Variants in REXO1 observed in about 807,000 individuals in gnomAD.
REXO1 encodes the protein REX1, RNA exonuclease 1 homolog.
In REXO1, 42 loss-of-function variants were observed where a neutral mutation model predicts 102.6. The ratio of observed to expected loss-of-function variants is 0.41; its 90% confidence interval spans 0.32 to 0.53. The LOEUF is 0.53. Among genes scored for constraint, REXO1 ranks in the 20% least tolerant of loss-of-function variants. REXO1 has a pLI of 0.27. For synonymous variants in REXO1, 908 were observed against 779.1 expected (o/e 1.17, Z -2.76); for missense variants, 1,819 against 1,732.5 (o/e 1.05, Z -0.89).
rs200145449 is a variant in REXO1 at position 1,823,712 on chromosome 19, C to T, written c.2090G>A (p.Arg697Gln). The change falls in exon 4 of 16, where the codon CGG becomes CAG. Residue 697 changes from arginine (R) to glutamine (Q), a missense_variant. Arg to Gln is a conservative substitution (Grantham distance 43). Coordinates refer to ENST00000170168, the MANE Select transcript of REXO1 (RefSeq NM_020695.4). ...PPTAQEVCYL[R>Q]AQQAQRASAS... is the part of the protein sequence containing the mutation. ...CGATGCCCTCTGCGCCTGCTGGGCC[C>T]GCAGGTAGCACACCTCCTGCGCCGT... 385 of 1,273,244 alleles carry T rather than the reference C, an allele frequency of 3.0e-4. No homozygotes were observed. Among genetic ancestry groups the T allele is most frequent in the Non-Finnish European group, 3.6e-4 (365 of 1,002,276 alleles). 78.9% of individuals were successfully genotyped at this position (1,273,244 alleles called of 1,614,324 possible).
In REXO1 at chr19:1,815,808, C is replaced by A. The variant is rs896799177; in HGVS notation, c.*258G>T. On this transcript the variant is annotated 3_prime_UTR_variant, in exon 16 of 16. Coordinates refer to ENST00000170168, the MANE Select transcript of REXO1 (RefSeq NM_020695.4). This position sits in a 1 kb window ranked among gnomAD's most constrained non-coding sequence, Gnocchi z 4.0. ...CGGGCCGGGTGGGGGCGGGCTCTGT[C>A]CTGGTCTCCATCAGCAGCAGTTTCT... is the stretch of plus-strand genomic sequence containing the variant. 6.7e-7 allele frequency: 1 copy of A among 1,494,032 alleles called. No homozygotes were observed. Among genetic ancestry groups the A allele is most frequent in the Admixed American group, 2.0e-5 (1 of 49,086 alleles). 92.5% of individuals were successfully genotyped at this position (1,494,032 alleles called of 1,614,324 possible).
At position 1,816,058 on chromosome 19, in the gene REXO1, G is replaced by C; in HGVS notation, c.*8C>G. ...CGGCAGGAGAGGCGGGTGGGAGGCG[G>C]GCAGGCGTCATCGCTTGGTCTTGGC... On this transcript the variant is annotated 3_prime_UTR_variant, in exon 16 of 16. Transcript: ENST00000170168. 6.5e-7 allele frequency: 1 copy of C among 1,540,762 alleles called. No homozygotes were observed. The highest frequency in any genetic ancestry group is 1.2e-5 in the South Asian group (1 of 84,086).
At chr19:1,825,237 T>C (rs559805642) in intron 3 of REXO1, among the ~76,000 whole-genome samples, 9 of 142,966 alleles carry the variant, frequency 6.3e-5, no homozygotes, top group Admixed American at 3.6e-4. Flanking sequence ...GAGGCGGAAG[T>C]TGCAGTGAGC....
Position 1,826,013 on chromosome 19 carries a change from A to C in REXO1, c.1912-70T>G. 8.1e-6 allele frequency: 9 copies of C among 1,114,586 alleles called. No homozygotes were observed. Among genetic ancestry groups the C allele is most frequent in the Non-Finnish European group, 1.2e-5 (9 of 733,550 alleles). 69.0% of individuals were successfully genotyped at this position (1,114,586 alleles called of 1,614,324 possible). On this transcript the variant is annotated intron_variant, in intron 2 of 15. Coordinates refer to ENST00000170168, the MANE Select transcript of REXO1 (RefSeq NM_020695.4). The surrounding 1 kb of genome is among the most constrained non-coding windows in gnomAD (Gnocchi z 4.3). ...CAACACCAACACACCCCAACCTCAA[A>C]CTGCCCCCGGCAAGTGGGGAATGGA...
chr19:1,815,804 C>G lies in REXO1; in HGVS notation c.*262G>C. ...GCTGCGGGCCGGGTGGGGGCGGGCT[C>G]TGTCCTGGTCTCCATCAGCAGCAGT... On this transcript the variant is annotated 3_prime_UTR_variant, in exon 16 of 16. Coordinates refer to ENST00000170168, the MANE Select transcript of REXO1 (RefSeq NM_020695.4). The surrounding 1 kb of genome is among the most constrained non-coding windows in gnomAD (Gnocchi z 4.0). The G allele has an allele frequency of 6.7e-7, 1 of 1,481,758 alleles. No individual in the cohort carries two copies. The highest frequency in any genetic ancestry group is 1.3e-5 in the South Asian group (1 of 77,786). The allele number at this position is 1,481,758 out of a possible 1,614,324, so 91.8% of individuals were successfully genotyped here.
chr19:1,830,145 A>G (rs1481676409), intron 1 of REXO1, among the ~76,000 whole-genome samples: 1 of 152,228 alleles, frequency 6.6e-6, no homozygotes, highest in Non-Finnish European at 1.5e-5. Context: ...GGAGCCCAGT[A>G]TTCCAGCGAA....
intron 1 of REXO1, among the ~76,000 whole-genome samples, chr19:1,837,685 C>G (rs1052941115): frequency 2.0e-5 from 3 of 152,204 alleles, no homozygotes; most frequent in African/African-American, 7.2e-5. Context: ...CCCACTGCCC[C>G]CAGGGTTCTC....
At chr19:1,817,483 C>A in intron 11 of REXO1, 154 bp from the exon 12 acceptor site, 1 of 1,473,962 alleles carries the variant, frequency 6.8e-7, no homozygotes, top group Non-Finnish European at 9.0e-7. Context: ...GGGAAGGGGG[C>A]TTGCCAAGAA....
intron 4 of REXO1, 116 bp from the exon 5 acceptor site, chr19:1,821,798 G>T: frequency 1.1e-6 from 1 of 935,302 alleles, no homozygotes; most frequent in South Asian, 1.7e-5. Flanking sequence ...CCGCGTGCAG[G>T]GGGCCGGGCC....
In REXO1 at chr19:1,848,480, C is replaced by T; in HGVS notation, c.-122G>A. ...CGCCGCCGCCATCTTGCTCCGAGGC[C>T]CCCGGAGGCCCTCGGGACGCCGCCG... On this transcript the variant is annotated 5_prime_UTR_variant, in exon 1 of 16. Coordinates refer to ENST00000170168, the MANE Select transcript of REXO1 (RefSeq NM_020695.4). 1.3e-5 allele frequency: 9 copies of T among 715,150 alleles called. No individual in the cohort carries two copies. Among genetic ancestry groups the T allele is most frequent in the Non-Finnish European group, 1.6e-5 (9 of 569,670 alleles). 44.3% of individuals were successfully genotyped at this position (715,150 alleles called of 1,614,324 possible).
intron 11 of REXO1, 115 bp downstream of exon 11, chr19:1,817,592 C>T (rs973126613): frequency 2.2e-5 from 32 of 1,440,706 alleles, no homozygotes; most frequent in Admixed American, 1.3e-4. Context: ...AAAGGCTGCC[C>T]GGGGGCCCAG....
chr19:1,823,787 T>C lies in REXO1; in HGVS notation c.2017-2A>G. The stretch of plus-strand genomic sequence containing the variant: ...GGGACCCCTCCTCGGGGGCTCCACC[T>C]GCGTCACCACAAATGCTAAGGCCTG... On this transcript the variant is annotated splice_acceptor_variant, in intron 3 of 15. Transcript: ENST00000170168. LOFTEE classifies it high-confidence loss of function. The C allele has an allele frequency of 8.1e-7, 1 of 1,227,094 alleles. No individual in the cohort carries two copies. The highest frequency in any genetic ancestry group is 1.0e-6 in the Non-Finnish European group (1 of 972,796). The allele number at this position is 1,227,094 out of a possible 1,614,324, so 76.0% of individuals were successfully genotyped here.
Position 1,848,277 on chromosome 19 carries a change from A to G in REXO1, c.82T>C (p.Tyr28His). The G allele has an allele frequency of 8.1e-7, 1 of 1,231,382 alleles. No individual in the cohort carries two copies. The highest frequency in any genetic ancestry group is 1.0e-6 in the Non-Finnish European group (1 of 981,916). The allele number at this position is 1,231,382 out of a possible 1,614,324, so 76.3% of individuals were successfully genotyped here. A position where few individuals can be genotyped will look rare whatever the true frequency, so the allele number is the denominator to read the frequency against. ...GCCCCGCGGTGCCGGAAGTGGCAGTAGGGCCGCCGGCAGGGCCCCCCGGGC... is the reference window on the plus strand; with the variant it reads ...GCCCCGCGGTGCCGGAAGTGGCAGTGGGGCCGCCGGCAGGGCCCCCCGGGC... ...GAPGGPCRRP[Y>H]CHFRHRGARG... is the part of the protein sequence containing the mutation. The change falls in exon 1 of 16, where the codon TAC becomes CAC. Residue 28 changes from tyrosine (Y) to histidine (H), a missense_variant. Tyr to His is a moderately conservative substitution (Grantham distance 83, BLOSUM62 2). Coordinates refer to ENST00000170168, the MANE Select transcript of REXO1 (RefSeq NM_020695.4).
In REXO1 at chr19:1,848,278, G is replaced by A; in HGVS notation, c.81C>T (p.Pro27=). Residue 27 remains proline (P), a synonymous_variant, in exon 1 of 16, where the codon CCC becomes CCT. Transcript: ENST00000170168. ...CCCCGCGGTGCCGGAAGTGGCAGTAGGGCCGCCGGCAGGGCCCCCCGGGCG... is the reference window on the plus strand; with the variant it reads ...CCCCGCGGTGCCGGAAGTGGCAGTAAGGCCGCCGGCAGGGCCCCCCGGGCG... The part of the protein sequence containing the change: ...SGAPGGPCRR[P]YCHFRHRGAR... 4 of 1,232,080 alleles carry A rather than the reference G, an allele frequency of 3.2e-6. No individual in the cohort carries two copies. The highest frequency in any genetic ancestry group is 4.1e-6 in the Non-Finnish European group (4 of 982,310). The allele number at this position is 1,232,080 out of a possible 1,614,324, so 76.3% of individuals were successfully genotyped here.
chr19:1,829,820 A>T (rs1357132796), intron 1 of REXO1, among the ~76,000 whole-genome samples: 1 of 152,138 alleles, frequency 6.6e-6, no homozygotes, highest in Non-Finnish European at 1.5e-5. Context: ...ACAAAAAAAA[A>T]TTTGTAGAGG....
At chr19:1,823,858 G>C (rs2069625478) in intron 3 of REXO1, 73 bp from the exon 4 acceptor site, 2 of 676,076 alleles carry the variant, frequency 3.0e-6, no homozygotes, top group Non-Finnish European at 4.2e-6. Flanking sequence ...GGGCAGGCTT[G>C]GGAGAGGGTG....
Position 1,826,059 on chromosome 19 carries a change from A to C in REXO1, c.1912-116T>G. 1.4e-6 allele frequency: 1 copy of C among 716,572 alleles called. No homozygotes were observed. Among genetic ancestry groups the C allele is most frequent in the Non-Finnish European group, 2.5e-6 (1 of 403,574 alleles). The allele number at this position is 716,572 out of a possible 1,614,324, so 44.4% of individuals were successfully genotyped here. ...ATGGAACAGTCCAGCCCCCAGGCAC[A>C]GCAGCTGAGGGCTCAGGGCCAACAG... On this transcript the variant is annotated intron_variant, in intron 2 of 15. Transcript: ENST00000170168. The surrounding 1 kb of genome is among the most constrained non-coding windows in gnomAD (Gnocchi z 4.3).
chr19:1,823,493 C>T (rs1302282344), intron 4 of REXO1, 79 bp downstream of exon 4: 3 of 1,046,090 alleles, frequency 2.9e-6, no homozygotes, highest in East Asian at 3.2e-5. Flanking sequence ...TTCAGGTGAG[C>T]TCAGAGACCT....
chr19:1,815,672 A>G lies in REXO1; in HGVS notation c.*394T>C. ...AAAAATAACAATACAAAATAAAAAA[A>G]GACTGTCTCAAACAAACCTGGGACA... On this transcript the variant is annotated 3_prime_UTR_variant, in exon 16 of 16. Transcript: ENST00000170168. The surrounding 1 kb of genome is among the most constrained non-coding windows in gnomAD (Gnocchi z 4.0). The G allele has an allele frequency of 7.9e-7, 1 of 1,268,560 alleles. No individual in the cohort carries two copies. The highest frequency in any genetic ancestry group is 1.0e-6 in the Non-Finnish European group (1 of 995,404). The allele number at this position is 1,268,560 out of a possible 1,614,324, so 78.6% of individuals were successfully genotyped here.
Sources: gnomAD v4.1 joint callset for allele counts (sites outside exome capture counted in the v4.1 genomes callset) on GRCh38, gnomAD v4.1.1 for gene constraint, Gnocchi (gnomAD v3.1) non-coding constraint, MANE v1.5 for transcripts, NCBI Gene and HGNC (gene_info 2026-07-23, HGNC 2026-07-21) for gene names.